The following PAX5 variants were observed in gnomAD, a reference collection of about 807,000 sequenced individuals.
The protein encoded by PAX5 is paired box protein Pax-5.
A neutral mutation model predicts 43.7 loss-of-function variants in PAX5; 9 were observed. That is an observed-to-expected ratio of 0.21 (90% CI 0.12 to 0.36). The LOEUF (loss-of-function observed/expected upper bound fraction) is 0.36, where lower values mean the gene tolerates loss of function less well. Ranked by LOEUF, PAX5 falls within the 10% of genes least tolerant of loss-of-function variation. The pLI, the probability that PAX5 is intolerant of heterozygous loss-of-function variation, is 1.00. For synonymous variants in PAX5, 228 were observed against 214.3 expected, an observed-to-expected ratio of 1.06 and a Z score of -0.56; for missense variants, 383 against 532.7, an observed-to-expected ratio of 0.72 and a Z score of 2.77.
intron 6 of PAX5, 135 bp from the exon 7 acceptor site, chr9:36,923,619 AC>A: frequency 2.1e-6 from 2 of 952,942 alleles, no homozygotes; most frequent in Non-Finnish European, 3.1e-6. Flanking sequence ...GGGCTCATGA[AC>A]ACTTCCAGTG....
At chr9:36,917,593 T>G (rs1182473010) in intron 7 of PAX5, among the ~76,000 whole-genome samples, 1 of 152,252 alleles carries the variant, frequency 6.6e-6, no homozygotes, top group Non-Finnish European at 1.5e-5. Context: ...CAGTTGACCA[T>G]TTCTGTAGAC....
At chr9:36,976,563 A>C (rs1196846208) in intron 5 of PAX5, among the ~76,000 whole-genome samples, 2 of 152,168 alleles carry the variant, frequency 1.3e-5, no homozygotes, top group Non-Finnish European at 2.9e-5. Flanking sequence ...CTGGAACAAA[A>C]ACAAATGTTC....
At chr9:36,843,874 C>T (rs539708763) in intron 9 of PAX5, among the ~76,000 whole-genome samples, 1 of 152,338 alleles carries the variant, frequency 6.6e-6, no homozygotes, top group East Asian at 1.9e-4. Context: ...CAGTTCCAAG[C>T]ACCCCGGGAA....
chr9:36,964,198 G>A (rs537104340), intron 6 of PAX5, among the ~76,000 whole-genome samples: 4 of 150,286 alleles, frequency 2.7e-5, no homozygotes, highest in South Asian at 2.1e-4. Context: ...GGAGAAAGGC[G>A]CGAACCCGGG....
At chr9:36,863,750 G>A (rs1402061606) in intron 8 of PAX5, among the ~76,000 whole-genome samples, 5 of 152,216 alleles carry the variant, frequency 3.3e-5, no homozygotes, top group Non-Finnish European at 7.3e-5. Context: ...GCAGCCTAAT[G>A]GGAGCATTGC....
chr9:36,889,456 C>T (rs753077177), intron 7 of PAX5, among the ~76,000 whole-genome samples: 6 of 152,228 alleles, frequency 3.9e-5, no homozygotes, highest in Non-Finnish European at 7.3e-5. Flanking sequence ...ATTTCATCCT[C>T]AAAAACTCTG....
At chr9:36,993,486 G>T (rs1564053457) in intron 5 of PAX5, among the ~76,000 whole-genome samples, 1 of 151,842 alleles carries the variant, frequency 6.6e-6, no homozygotes. Context: ...TTTGGTGCCA[G>T]AAAAAAACCT....
rs529048893 is a variant in PAX5 at position 36,991,753 on chromosome 9, G to A, written c.604+10895C>T. On this transcript the variant is annotated intron_variant, in intron 5 of 9. Coordinates refer to ENST00000358127, the MANE Select transcript of PAX5 (RefSeq NM_016734.3). Reference sequence around the variant, plus strand: ...GCAACTAAGCTGTCCTGGGTCGATGGTGCCACCTGGTGGCTGGTGCTGGGA... The same window carrying A: ...GCAACTAAGCTGTCCTGGGTCGATGATGCCACCTGGTGGCTGGTGCTGGGA... 4.6e-5 allele frequency among the ~76,000 whole-genome samples: 7 copies of A among 151,468 alleles called. No homozygotes were observed. The South Asian group carries it at 6.3e-4, about 14-fold the overall frequency.
At chr9:36,911,337 T>A (rs1460114707) in intron 7 of PAX5, among the ~76,000 whole-genome samples, 4 of 98,812 alleles carry the variant, frequency 4.0e-5, no homozygotes, top group African/African-American at 1.5e-4. Context: ...CTTTTTTTTT[T>A]TTTGAGATCG....
At position 36,840,716 on chromosome 9, in the gene PAX5, C is replaced by T. The variant is rs536316081; in HGVS notation, c.1100-80G>A. On this transcript the variant is annotated intron_variant, in intron 9 of 9. Coordinates refer to ENST00000358127, the MANE Select transcript of PAX5 (RefSeq NM_016734.3). ...GTCTCCTCCACTTCTGTCCTTTCCT[C>T]CCCTCACTCAGTCCGGGCCACCATC... The T allele has an allele frequency of 1.0e-4, 86 of 862,208 alleles. No individual in the cohort carries two copies. In the African/African-American group the frequency reaches 1.3e-3, roughly 13 times the overall value. 53.4% of individuals were successfully genotyped at this position (862,208 alleles called of 1,614,324 possible). A position where few individuals can be genotyped will look rare whatever the true frequency, so the allele number is the denominator to read the frequency against.
chr9:36,985,714 G>T (rs1343354032), intron 5 of PAX5, among the ~76,000 whole-genome samples: 1 of 152,176 alleles, frequency 6.6e-6, no homozygotes, highest in Admixed American at 6.5e-5. Context: ...TGGAAGGAAG[G>T]CCTTCCCTCC....
intron 8 of PAX5, among the ~76,000 whole-genome samples, chr9:36,867,423 C>A (rs1563911547): frequency 6.6e-6 from 1 of 152,212 alleles, no homozygotes; most frequent in Non-Finnish European, 1.5e-5. Context: ...TAGACTGAAC[C>A]ACTTGCTAGC....
chr9:36,848,081 C>A (rs1822761956), intron 8 of PAX5, among the ~76,000 whole-genome samples: 2 of 152,134 alleles, frequency 1.3e-5, no homozygotes, highest in South Asian at 4.1e-4. Flanking sequence ...TTACATAGCC[C>A]CATGAGCCCA....
intron 8 of PAX5, 65 bp from the exon 9 acceptor site, chr9:36,846,994 G>A (rs2131592601): frequency 1.7e-6 from 2 of 1,192,294 alleles, no homozygotes; most frequent in Non-Finnish European, 2.5e-6. Flanking sequence ...AAAAGGCCCT[G>A]GGTCCCAGCC....
At chr9:36,981,778 C>T (rs1835966249) in intron 5 of PAX5, among the ~76,000 whole-genome samples, 1 of 152,252 alleles carries the variant, frequency 6.6e-6, no homozygotes. Flanking sequence ...CACTTGCCAG[C>T]TGTGTGATCT....
intron 5 of PAX5, among the ~76,000 whole-genome samples, chr9:36,984,788 T>C (rs1836256846): frequency 6.6e-6 from 1 of 152,098 alleles, no homozygotes; most frequent in South Asian, 2.1e-4. Flanking sequence ...GAAAACAGTA[T>C]TGGTACATAC....
At chr9:36,920,213 G>A (rs1416929061) in intron 7 of PAX5, among the ~76,000 whole-genome samples, 1 of 152,224 alleles carries the variant, frequency 6.6e-6, no homozygotes, top group Non-Finnish European at 1.5e-5. Context: ...CATAAACTTA[G>A]TTGGTAGGGT....
intron 1 of PAX5, among the ~76,000 whole-genome samples, chr9:37,031,893 C>T (rs1841020856): frequency 6.6e-6 from 1 of 152,154 alleles, no homozygotes; most frequent in African/African-American, 2.4e-5. Context: ...GTCTATTGGC[C>T]CATGAAATAC....
Position 36,835,065 on chromosome 9 carries a change from T to C in PAX5, c.*5495A>G, listed in dbSNP as rs2131549190. The C allele has an allele frequency of 4.3e-6, 1 of 233,368 alleles. No homozygotes were observed. The allele number at this position is 233,368 out of a possible 1,614,324, so 14.5% of individuals were successfully genotyped here. ...AAGTACCCTACCTGAGACGACTCCT[T>C]TGAGGCTTTGCTGATTGTCCCTCAG... On this transcript the variant is annotated 3_prime_UTR_variant, in exon 10 of 10. Transcript: ENST00000358127.
Sources: gnomAD v4.1 joint callset for allele counts (sites outside exome capture counted in the v4.1 genomes callset) on GRCh38, gnomAD v4.1.1 for gene constraint, MANE v1.5 for transcripts, NCBI Gene and HGNC (gene_info 2026-07-23, HGNC 2026-07-21) for gene names.